Variants in PCDHGA12 observed in about 807,000 individuals in gnomAD.
PCDHGA12 encodes protocadherin gamma subfamily A, 12.
In PCDHGA12, 43 loss-of-function variants were observed where a neutral mutation model predicts 61.1. That is an observed-to-expected ratio of 0.70 (90% CI 0.55 to 0.91). PCDHGA12 has a LOEUF of 0.91. Ranked by LOEUF, PCDHGA12 falls within the 40% of genes least tolerant of loss-of-function variation. The pLI, the probability that PCDHGA12 is intolerant of heterozygous loss-of-function variation, is 0.00. For synonymous variants in PCDHGA12, 520 were observed against 542.9 expected, an observed-to-expected ratio of 0.96 and a Z score of 0.59; for missense variants, 1,236 against 1,227.7, an observed-to-expected ratio of 1.01 and a Z score of -0.10.
At position 141,464,036 on chromosome 5, in the gene PCDHGA12, G is replaced by A. The variant is rs907276618; in HGVS notation, c.2425-30771G>A. On this transcript the variant is annotated intron_variant, in intron 1 of 3. Coordinates refer to ENST00000252085, the MANE Select transcript of PCDHGA12 (RefSeq NM_003735.3). ...ATCCCACACTTTGGGAGGCCAAGGC[G>A]GGTGGATCACCTGAGGTCAGGAGTT... Among the ~76,000 whole-genome samples the A allele has an allele frequency of 2.6e-5, 4 of 152,096 alleles. No individual in the cohort carries two copies. The East Asian group carries it at 5.8e-4, about 22-fold the overall frequency.
At position 141,430,820 on chromosome 5, in the gene PCDHGA12, G is replaced by C. The variant is rs1194897001; in HGVS notation, c.61G>C (p.Gly21Arg). 6.5e-7 allele frequency: 1 copy of C among 1,541,598 alleles called. No homozygotes were observed. The highest frequency in any genetic ancestry group is 2.3e-5 in the East Asian group (1 of 44,384). Residue 21 changes from glycine to arginine, a missense_variant, in exon 1 of 4, where the codon GGG (glycine) becomes CGG (arginine). Physicochemically the swap from Gly to Arg is moderately radical, Grantham distance 125. Coordinates refer to ENST00000252085, the MANE Select transcript of PCDHGA12 (RefSeq NM_003735.3). ...KGLVLLGILL[G>R]TLWETGCTQI... ...GCTTGTCCTGCTGGGAATCCTCCTG[G>C]GGACTCTGTGGGAGACCGGATGCAC...
At chr5:141,497,776 C>A (rs1384125562) in intron 2 of PCDHGA12, among the ~76,000 whole-genome samples, 2 of 152,170 alleles carry the variant, frequency 1.3e-5, no homozygotes. Flanking sequence ...CCGACCTCAA[C>A]TGATCCACCT....
In PCDHGA12 at chr5:141,476,836, T is replaced by C. The variant is rs772607917; in HGVS notation, c.2425-17971T>C. On this transcript the variant is annotated intron_variant, in intron 1 of 3. Coordinates refer to ENST00000252085, the MANE Select transcript of PCDHGA12 (RefSeq NM_003735.3). The surrounding 1 kb of genome is among the most constrained non-coding windows in gnomAD (Gnocchi z 7.6). ...TCAAGGTGCTGGACGCGAATGACAATGCGCCTGTCTTCAACCAGTCCTTGT... is the reference window on the plus strand; with the variant it reads ...TCAAGGTGCTGGACGCGAATGACAACGCGCCTGTCTTCAACCAGTCCTTGT... 1.9e-6 allele frequency: 3 copies of C among 1,613,652 alleles called. 1 individual carries two copies. The highest frequency in any genetic ancestry group is 2.2e-5 in the East Asian group (1 of 44,852).
rs1461837957 is a variant in PCDHGA12, at chr5:141,432,613, G to C, written c.1854G>C (p.Ser618=). The C allele has an allele frequency of 6.2e-7, 1 of 1,613,946 alleles. No homozygotes were observed. The highest frequency in any genetic ancestry group is 1.3e-5 in the African/African-American group (1 of 75,056). The change falls in exon 1 of 4, where the codon TCG becomes TCC. Residue 618 remains serine (S), a synonymous_variant. Coordinates refer to ENST00000252085, the MANE Select transcript of PCDHGA12 (RefSeq NM_003735.3). The surrounding 1 kb of genome is among the most constrained non-coding windows in gnomAD (Gnocchi z 6.0). ...AGGCCAGCGAGCCGGGACTCTTCTC[G>C]GTGGGTCTGCACACGGGCGAGGTGC... The part of the protein sequence containing the change: ...LLKASEPGLF[S]VGLHTGEVRT...
rs772255343 is a variant in PCDHGA12, at chr5:141,432,272, G to C, written c.1513G>C (p.Val505Leu). The change falls in exon 1 of 4, where the codon GTG becomes CTG. Residue 505 changes from valine to leucine, a missense_variant. Coordinates refer to ENST00000252085, the MANE Select transcript of PCDHGA12 (RefSeq NM_003735.3). This position sits in a 1 kb window ranked among gnomAD's most constrained non-coding sequence, Gnocchi z 6.0. ...CCAAGGGGCAAGCCTATCGTCCTAC[G>C]TGTCCATCAACTCCGACACTGGGGT... ...TIQGASLSSYVSINSDTGVLY... is the reference protein window; with the variant it reads ...TIQGASLSSYLSINSDTGVLY... The C allele has an allele frequency of 3.1e-6, 5 of 1,614,210 alleles. No individual in the cohort carries two copies. Among genetic ancestry groups the C allele is most frequent in the Non-Finnish European group, 4.2e-6 (5 of 1,180,042 alleles).
At position 141,477,492 on chromosome 5, in the gene PCDHGA12, A is replaced by T; in HGVS notation, c.2425-17315A>T. ...AATGACAACCCTCCACAATCTTCTC[A>T]ATCTTCCTACGACGTTTACATTGAA... On this transcript the variant is annotated intron_variant, in intron 1 of 3. Coordinates refer to ENST00000252085, the MANE Select transcript of PCDHGA12 (RefSeq NM_003735.3). The surrounding 1 kb of genome is among the most constrained non-coding windows in gnomAD (Gnocchi z 4.9). The T allele has an allele frequency of 6.2e-7, 1 of 1,613,980 alleles. No individual in the cohort carries two copies. The highest frequency in any genetic ancestry group is 8.5e-7 in the Non-Finnish European group (1 of 1,179,958).
rs572603287 is a variant in PCDHGA12 at position 141,477,037 on chromosome 5, G to T, written c.2425-17770G>T. 19 of 1,614,266 alleles carry T rather than the reference G, an allele frequency of 1.2e-5. No homozygotes were observed. In the East Asian group the frequency reaches 3.8e-4, roughly 32 times the overall value. Reference sequence around the variant, plus strand: ...TTGTAACCGGGATGCTGACAATCAAGGGTCGGCTGGACTTCGAGGACACCA... The same window carrying T: ...TTGTAACCGGGATGCTGACAATCAATGGTCGGCTGGACTTCGAGGACACCA... On this transcript the variant is annotated intron_variant, in intron 1 of 3. Transcript: ENST00000252085. The surrounding 1 kb of genome is among the most constrained non-coding windows in gnomAD (Gnocchi z 4.9).
chr5:141,499,725 C>T (rs554409998), intron 2 of PCDHGA12, among the ~76,000 whole-genome samples: 3 of 138,474 alleles, frequency 2.2e-5, no homozygotes, highest in African/African-American at 5.4e-5. Context: ...GACAGAGTCT[C>T]ACTCTCTTGC....
chr5:141,436,962 C>A (rs1462988296), intron 1 of PCDHGA12, among the ~76,000 whole-genome samples: 1 of 152,144 alleles, frequency 6.6e-6, no homozygotes, highest in Non-Finnish European at 1.5e-5. Context: ...AAACAAGGAT[C>A]TTGTGAAACT....
chr5:141,450,663 T>C (rs957466690), intron 1 of PCDHGA12, among the ~76,000 whole-genome samples: 1 of 151,652 alleles, frequency 6.6e-6, no homozygotes, highest in Non-Finnish European at 1.5e-5. Flanking sequence ...ATTTTTGTAC[T>C]TTTAGTAGAA....
chr5:141,472,980 C>CAAAAAAAAAAAAAAAAAGAAAAAAAA (rs2099309731), intron 1 of PCDHGA12, among the ~76,000 whole-genome samples: 1 of 86,100 alleles, frequency 1.2e-5, no homozygotes, highest in African/African-American at 3.9e-5. Flanking sequence ...GAGTGAAACT[C>CAAAAAAAAAAAAAAAAAGAAAAAAAA]AAAAAAAAAA....
intron 1 of PCDHGA12, among the ~76,000 whole-genome samples, chr5:141,473,871 T>A (rs2099330260): frequency 1.3e-5 from 2 of 152,190 alleles, no homozygotes; most frequent in Admixed American, 6.5e-5. Context: ...TTGTGGAGAA[T>A]GCATACACAA....
intron 1 of PCDHGA12, among the ~76,000 whole-genome samples, chr5:141,492,886 C>A (rs1479930324): frequency 6.6e-6 from 1 of 152,178 alleles, no homozygotes; most frequent in African/African-American, 2.4e-5. Context: ...GAGATACAGG[C>A]TTTTGGCGCC....
chr5:141,473,763 GGATTTGGT>G (rs1358359618), intron 1 of PCDHGA12, among the ~76,000 whole-genome samples: 73 of 152,322 alleles, frequency 4.8e-4, no homozygotes, highest in African/African-American at 1.7e-3. Context: ...ACTATGCAAA[GGATTTGGT>G]ATTTTAATTC....
intron 1 of PCDHGA12, chr5:141,478,473 A>G (rs2099458384): frequency 6.2e-7 from 1 of 1,613,742 alleles, no homozygotes; most frequent in African/African-American, 1.3e-5. Context: ...GCCAGCCGCC[A>G]GAACACGCTG....
Position 141,430,946 on chromosome 5 carries a change from G to C in PCDHGA12, c.187G>C (p.Gly63Arg). ...GGAGCCCCGGGAGCTCGCGGAGCGC[G>C]GAGTCCGCATCATCCCCAGAGGTAG... The part of the protein sequence containing the change: ...GLEPRELAER[G>R]VRIIPRGRTQ... Residue 63 changes from glycine to arginine, a missense_variant, in exon 1 of 4, where the codon GGA (glycine) becomes CGA (arginine). Physicochemically the swap from Gly to Arg is moderately radical, Grantham distance 125 (BLOSUM62 -2). Coordinates refer to ENST00000252085, the MANE Select transcript of PCDHGA12 (RefSeq NM_003735.3). 6.2e-7 allele frequency: 1 copy of C among 1,609,494 alleles called. No individual in the cohort carries two copies.
In PCDHGA12 at chr5:141,485,520, T is replaced by G. The variant is rs2099615008; in HGVS notation, c.2425-9287T>G. On this transcript the variant is annotated intron_variant, in intron 1 of 3. Transcript: ENST00000252085. This position sits in a 1 kb window ranked among gnomAD's most constrained non-coding sequence, Gnocchi z 5.7. ...TTTGTCACCGAAGGTCCTTTGGAAA[T>G]GTACCGAGCAGAGGTAGAGATCGTA... 1 of 1,614,108 alleles carries G rather than the reference T, an allele frequency of 6.2e-7. No homozygotes were observed. The highest frequency in any genetic ancestry group is 8.5e-7 in the Non-Finnish European group (1 of 1,180,012).
chr5:141,487,256 G>A lies in PCDHGA12; in HGVS notation c.2425-7551G>A. ...ATCTCGTCTAACCCTCTACTTGGCTGTGTCCCTAGTGGCAATTTGCTTTGT... is the reference window on the plus strand; with the variant it reads ...ATCTCGTCTAACCCTCTACTTGGCTATGTCCCTAGTGGCAATTTGCTTTGT... On this transcript the variant is annotated intron_variant, in intron 1 of 3. Transcript: ENST00000252085. The surrounding 1 kb of genome is among the most constrained non-coding windows in gnomAD (Gnocchi z 5.0). The A allele has an allele frequency of 6.2e-7, 1 of 1,614,166 alleles. No individual in the cohort carries two copies. The highest frequency in any genetic ancestry group is 8.5e-7 in the Non-Finnish European group (1 of 1,180,032).
rs1310227506 is a variant in PCDHGA12, at chr5:141,432,214, CCAGATCACTTATTCCCTGG to C, written c.1457_1475del (p.Gln486LeufsTer26). ...ACGACCCCGACTGTGAAGAGAACGC[CCAGATCACTTATTCCCTGG>C]CTGAGAACACCATCCAAGGGGCAAG... is the stretch of plus-strand genomic sequence containing the variant. On this transcript the variant is annotated frameshift_variant, in exon 1 of 4. Transcript: ENST00000252085. LOFTEE classifies it high-confidence loss of function. This position sits in a 1 kb window ranked among gnomAD's most constrained non-coding sequence, Gnocchi z 6.0. 3.1e-6 allele frequency: 5 copies of C among 1,614,236 alleles called. No homozygotes were observed. The highest frequency in any genetic ancestry group is 4.2e-6 in the Non-Finnish European group (5 of 1,180,050).
Sources: gnomAD v4.1 joint callset for allele counts (sites outside exome capture counted in the v4.1 genomes callset) on GRCh38, gnomAD v4.1.1 for gene constraint, Gnocchi (gnomAD v3.1) non-coding constraint, MANE v1.5 for transcripts, NCBI Gene and HGNC (gene_info 2026-07-23, HGNC 2026-07-21) for gene names.